Variants in ZDHHC14 observed in about 807,000 individuals in gnomAD.
ZDHHC14 encodes the protein palmitoyltransferase ZDHHC14.
ZDHHC14 carries 16 observed loss-of-function variants against 47.7 expected under a neutral mutation model. The ratio of observed to expected loss-of-function variants is 0.34; its 90% CI spans 0.23 to 0.51. ZDHHC14 has a LOEUF of 0.51. Ranked by LOEUF, ZDHHC14 falls within the 20% of genes least tolerant of loss-of-function variation. The pLI is 0.97. For synonymous variants in ZDHHC14, 293 were observed against 278.9 expected (o/e 1.05, Z -0.50); for missense variants, 515 against 662.5 (o/e 0.78, Z 2.44).
intron 3 of ZDHHC14, among the ~76,000 whole-genome samples, chr6:157,597,500 A>G (rs1318417623): frequency 6.6e-6 from 1 of 152,266 alleles, no homozygotes; most frequent in Non-Finnish European, 1.5e-5. Context: ...CATACTGTGG[A>G]CAAACTAATA....
chr6:157,660,130 G>A (rs998993857), intron 8 of ZDHHC14, among the ~76,000 whole-genome samples: 8 of 151,590 alleles, frequency 5.3e-5, no homozygotes, highest in East Asian at 1.9e-4. Context: ...TGAGTAACTC[G>A]CTCACAGTCA....
At chr6:157,423,564 A>G (rs909888842) in intron 1 of ZDHHC14, among the ~76,000 whole-genome samples, 2 of 152,188 alleles carry the variant, frequency 1.3e-5, no homozygotes, top group African/African-American at 2.4e-5. Context: ...TTTTCCAGGT[A>G]TGAATTTTCG....
At chr6:157,538,182 TG>T (rs1293399896) in intron 1 of ZDHHC14, among the ~76,000 whole-genome samples, 1 of 152,164 alleles carries the variant, frequency 6.6e-6, no homozygotes, top group Non-Finnish European at 1.5e-5. Context: ...TATACAGAGT[TG>T]TACCAACATA....
intron 1 of ZDHHC14, among the ~76,000 whole-genome samples, chr6:157,481,818 C>T (rs1188345096): frequency 6.8e-6 from 1 of 147,470 alleles, no homozygotes; most frequent in East Asian, 1.9e-4. Context: ...TTGTTTCTTT[C>T]TATCTATCTA....
At chr6:157,483,387 G>C (rs577362335) in intron 1 of ZDHHC14, among the ~76,000 whole-genome samples, 2 of 152,314 alleles carry the variant, frequency 1.3e-5, no homozygotes, top group Non-Finnish European at 2.9e-5. Context: ...CTGACTAGGA[G>C]CCTTGGGCAG....
chr6:157,429,173 A>G (rs774625295), intron 1 of ZDHHC14, among the ~76,000 whole-genome samples: 9 of 152,162 alleles, frequency 5.9e-5, no homozygotes, highest in Non-Finnish European at 1.2e-4. Flanking sequence ...TCATCTCGGC[A>G]TGGGCGTCGA....
intron 1 of ZDHHC14, among the ~76,000 whole-genome samples, chr6:157,518,846 G>T (rs1457368379): frequency 6.6e-6 from 1 of 152,224 alleles, no homozygotes; most frequent in South Asian, 2.1e-4. Flanking sequence ...GCGCATTCTT[G>T]TGAGGGGTGT....
chr6:157,393,690 G>A (rs1777464897), intron 1 of ZDHHC14, among the ~76,000 whole-genome samples: 1 of 152,066 alleles, frequency 6.6e-6, no homozygotes, highest in South Asian at 2.1e-4. Context: ...CACCATCTCT[G>A]GTGGTATAAG....
intron 2 of ZDHHC14, among the ~76,000 whole-genome samples, chr6:157,581,331 A>T (rs1783514162): frequency 6.8e-6 from 1 of 148,024 alleles, no homozygotes. Flanking sequence ...GGATTGTTTT[A>T]TGTCTGATTG....
intron 2 of ZDHHC14, among the ~76,000 whole-genome samples, chr6:157,544,237 G>A (rs889491387): frequency 6.6e-6 from 1 of 152,224 alleles, no homozygotes; most frequent in Non-Finnish European, 1.5e-5. Context: ...CTCAGTGCAA[G>A]GGCCCAGCTC....
chr6:157,603,334 T>C (rs1165327015), intron 3 of ZDHHC14, among the ~76,000 whole-genome samples: 3 of 152,234 alleles, frequency 2.0e-5, no homozygotes, highest in Non-Finnish European at 4.4e-5. Flanking sequence ...AAAGAAGTAC[T>C]TGACAAGGTC....
chr6:157,562,853 G>A (rs1467529322), intron 2 of ZDHHC14, among the ~76,000 whole-genome samples: 1 of 152,150 alleles, frequency 6.6e-6, no homozygotes, highest in Non-Finnish European at 1.5e-5. Flanking sequence ...AAGCTGCTCA[G>A]GACAACGGTT....
In ZDHHC14 at chr6:157,454,494, T is replaced by G. The variant is rs945151986; in HGVS notation, c.245+72228T>G. On this transcript the variant is annotated intron_variant, in intron 1 of 8. Coordinates refer to ENST00000359775, the MANE Select transcript of ZDHHC14 (RefSeq NM_024630.3). ...ATTTTAAAATGCTTTTAATGCAGCT[T>G]CTTCTTTTTTTTTTTTTTTTTTGCC... 2.1e-4 allele frequency among the ~76,000 whole-genome samples: 21 copies of G among 98,668 alleles called. No homozygotes were observed. In the South Asian group the frequency reaches 2.7e-3, roughly 12 times the overall value. The allele number at this position is 98,668 out of a possible 152,430, so 64.7% of individuals were successfully genotyped here.
intron 2 of ZDHHC14, among the ~76,000 whole-genome samples, chr6:157,554,697 C>G (rs1782383689): frequency 6.6e-6 from 1 of 152,124 alleles, no homozygotes; most frequent in Non-Finnish European, 1.5e-5. Flanking sequence ...TATTTTTGAT[C>G]ATTTGAAAGA....
At chr6:157,653,099 C>T (rs1330481267) in intron 7 of ZDHHC14, among the ~76,000 whole-genome samples, 1 of 152,282 alleles carries the variant, frequency 6.6e-6, no homozygotes, top group East Asian at 1.9e-4. Flanking sequence ...ACGTGGCAGG[C>T]GGTCATTTCC....
intron 1 of ZDHHC14, among the ~76,000 whole-genome samples, chr6:157,431,921 G>A (rs1359108857): frequency 6.6e-6 from 1 of 151,928 alleles, no homozygotes; most frequent in Non-Finnish European, 1.5e-5. Context: ...TAGAGATAGG[G>A]TTTTGCCACG....
intron 3 of ZDHHC14, among the ~76,000 whole-genome samples, chr6:157,598,356 G>T (rs1407559160): frequency 1.3e-5 from 2 of 152,090 alleles, no homozygotes; most frequent in Non-Finnish European, 2.9e-5. Context: ...ATCCTTGTTG[G>T]AACCAAAACA....
At chr6:157,481,854 A>C (rs147518862) in intron 1 of ZDHHC14, among the ~76,000 whole-genome samples, 2,332 of 152,216 alleles carry the variant, frequency 0.015, 31 homozygotes, top group Non-Finnish European at 0.023. Flanking sequence ...ACCTACCTAC[A>C]TATTATCCAT....
chr6:157,590,894 G>A (rs1171813920), intron 2 of ZDHHC14, among the ~76,000 whole-genome samples: 2 of 152,270 alleles, frequency 1.3e-5, no homozygotes, highest in Non-Finnish European at 2.9e-5. Flanking sequence ...GCCCAAGGCT[G>A]TGGGAGCCTT....
Sources: allele counts gnomAD v4.1 joint callset (sites outside exome capture counted in the v4.1 genomes callset), GRCh38; gene constraint gnomAD v4.1.1; transcripts MANE v1.5; gene names NCBI Gene and HGNC (gene_info 2026-07-23, HGNC 2026-07-21).